Variants in PIEZO1 observed in about 807,000 individuals in gnomAD.
The protein encoded by PIEZO1 is piezo type mechanosensitive ion channel component 1 (Er blood group).
Under a neutral mutation model 297.2 loss-of-function variants are expected in PIEZO1, and 296 were observed. The observed-to-expected ratio is 1.00, with a 90% CI of 0.91 to 1.10. The LOEUF (loss-of-function observed/expected upper bound fraction) is 1.10. Among genes scored for constraint, PIEZO1 ranks in the 50% least tolerant of loss-of-function variants. PIEZO1 has a pLI of 0.00. For synonymous variants in PIEZO1, 2,427 were observed against 1,507.5 expected (o/e 1.61, Z -14.13); for missense variants, 5,018 against 3,455.5 (o/e 1.45, Z -11.34).
intron 1 of PIEZO1, among the ~76,000 whole-genome samples, chr16:88,780,351 G>C (rs767344943): frequency 6.6e-6 from 1 of 152,158 alleles, no homozygotes; most frequent in Non-Finnish European, 1.5e-5. Flanking sequence ...CAAAGGTCAA[G>C]AGCAGGACAG....
chr16:88,726,284 C>T lies in PIEZO1; in HGVS notation c.3968G>A (p.Arg1323Lys). ...DLQATALLAS[R>K]GFALYNAANL... ...GGGCTGTGTCTGGGCCCAAGCTTGC[C>T]TGGAGGCTAGCAGGGCGGTGGCCTG... Residue 1323 changes from arginine (R) to lysine (K), a missense_variant and splice_region_variant, in exon 27 of 51, where the codon AGG (arginine) becomes AAG (lysine). Physicochemically the swap from Arg to Lys is conservative, Grantham distance 26 (BLOSUM62 2). Coordinates refer to ENST00000301015, the MANE Select transcript of PIEZO1 (RefSeq NM_001142864.4). 6.5e-7 allele frequency: 1 copy of T among 1,546,910 alleles called. No individual in the cohort carries two copies. Among genetic ancestry groups the T allele is most frequent in the Non-Finnish European group, 8.7e-7 (1 of 1,145,298 alleles).
chr16:88,732,490 A>C lies in PIEZO1; in HGVS notation c.2836T>G (p.Tyr946Asp), dbSNP rs766356629. The change falls in exon 21 of 51, where the codon TAC becomes GAC. Residue 946 changes from tyrosine (Y) to aspartate (D), a missense_variant. Coordinates refer to ENST00000301015, the MANE Select transcript of PIEZO1 (RefSeq NM_001142864.4). Reference sequence around the variant, plus strand: ...CGGCGGTAGTGCTCCTGGCGCCGGTACACGATGGCCTCGAATACCAGCAGC... The same window carrying C: ...CGGCGGTAGTGCTCCTGGCGCCGGTCCACGATGGCCTCGAATACCAGCAGC... The part of the protein sequence containing the change: ...LLLLVFEAIV[Y>D]RRQEHYRRQH... 2 of 1,548,792 alleles carry C rather than the reference A, an allele frequency of 1.3e-6. No individual in the cohort carries two copies. The highest frequency in any genetic ancestry group is 2.4e-5 in the South Asian group (2 of 84,000).
In PIEZO1 at chr16:88,733,406, G is replaced by A. The variant is rs892846116; in HGVS notation, c.2536C>T (p.Pro846Ser). Residue 846 changes from proline (P) to serine (S), a missense_variant, in exon 19 of 51, where the codon CCC becomes TCC. Coordinates refer to ENST00000301015, the MANE Select transcript of PIEZO1 (RefSeq NM_001142864.4). Reference sequence around the variant, plus strand: ...GCCATGGGCCGGAAGCGTGGGTAGGGCAGGGCGAAGGCCCACAGCACCACC... The same window carrying A: ...GCCATGGGCCGGAAGCGTGGGTAGGACAGGGCGAAGGCCCACAGCACCACC... ...LLVVLWAFAL[P>S]YPRFRPMASC... 8 of 1,549,934 alleles carry A rather than the reference G, an allele frequency of 5.2e-6. No individual in the cohort carries two copies. The African/African-American group carries it at 5.5e-5, about 11-fold the overall frequency.
chr16:88,779,373 C>A (rs1341335364), intron 1 of PIEZO1, among the ~76,000 whole-genome samples: 1 of 152,184 alleles, frequency 6.6e-6, no homozygotes, highest in Admixed American at 6.5e-5. Flanking sequence ...GGGGGAGCCC[C>A]ATTTTCCTGG....
intron 24 of PIEZO1, 40 bp downstream of exon 24, chr16:88,726,999 C>G (rs773351559): frequency 6.5e-7 from 1 of 1,548,926 alleles, no homozygotes; most frequent in South Asian, 1.2e-5. Context: ...CCGGCCACCC[C>G]TCCCAGAAGG....
intron 1 of PIEZO1, among the ~76,000 whole-genome samples, chr16:88,769,742 C>T (rs1167581495): frequency 2.0e-5 from 3 of 150,358 alleles, no homozygotes; most frequent in Non-Finnish European, 4.4e-5. Context: ...GAGGCTCAAA[C>T]ACAACATGTA....
rs1904422193 is a variant in PIEZO1, at chr16:88,726,264, G to A, written c.3968+20C>T. ...AGCCCCAAGACGGGAGCTCTGGGCT[G>A]TGTCTGGGCCCAAGCTTGCCTGGAG... On this transcript the variant is annotated intron_variant, in intron 27 of 50. Coordinates refer to ENST00000301015, the MANE Select transcript of PIEZO1 (RefSeq NM_001142864.4). 6.5e-7 allele frequency: 1 copy of A among 1,538,818 alleles called. No homozygotes were observed. The highest frequency in any genetic ancestry group is 8.8e-7 in the Non-Finnish European group (1 of 1,140,712).
intron 1 of PIEZO1, among the ~76,000 whole-genome samples, chr16:88,766,693 T>C (rs1313984711): frequency 3.9e-5 from 6 of 152,156 alleles, no homozygotes. Context: ...AACAAAGTCA[T>C]GAAGCAACCA....
At chr16:88,724,960 G>C (rs1438581495) in intron 30 of PIEZO1, 49 bp downstream of exon 30, 6 of 1,177,222 alleles carry the variant, frequency 5.1e-6, no homozygotes, top group Admixed American at 6.6e-5. Flanking sequence ...GACAGATGGG[G>C]GCACAGAGGG....
At chr16:88,733,141 C>G (rs2142812364) in intron 19 of PIEZO1, 137 bp downstream of exon 19, 1 of 811,460 alleles carries the variant, frequency 1.2e-6, no homozygotes, top group South Asian at 1.8e-5. Flanking sequence ...CAGGAAGCCC[C>G]CTTGGCGCCC....
intron 1 of PIEZO1, among the ~76,000 whole-genome samples, chr16:88,755,152 C>A (rs1906590495): frequency 6.6e-6 from 1 of 152,216 alleles, no homozygotes; most frequent in Non-Finnish European, 1.5e-5. Flanking sequence ...ACGACTGTCA[C>A]CTCCACATTG....
At chr16:88,759,400 GC>G (rs1906822029) in intron 1 of PIEZO1, among the ~76,000 whole-genome samples, 1 of 152,246 alleles carries the variant, frequency 6.6e-6, no homozygotes, top group Middle Eastern at 3.2e-3. Flanking sequence ...GCTACAGGGA[GC>G]CGGGGTCCTG....
Position 88,733,463 on chromosome 16 carries a change from A to G in PIEZO1, c.2488-9T>C. On this transcript the variant is annotated splice_polypyrimidine_tract_variant and intron_variant, in intron 18 of 50. Coordinates refer to ENST00000301015, the MANE Select transcript of PIEZO1 (RefSeq NM_001142864.4). Reference sequence around the variant, plus strand: ...AGGTTCATCACCGACACCTGAGGGCAGTGGGCACGTGGGGCTGGGCTTGGG... The same window carrying G: ...AGGTTCATCACCGACACCTGAGGGCGGTGGGCACGTGGGGCTGGGCTTGGG... 6.5e-7 allele frequency: 1 copy of G among 1,542,416 alleles called. No homozygotes were observed. The highest frequency in any genetic ancestry group is 8.8e-7 in the Non-Finnish European group (1 of 1,141,262).
rs747301309 is a variant in PIEZO1 at position 88,736,258 on chromosome 16, C to T, written c.1447G>A (p.Val483Met). 1.8e-4 allele frequency: 273 copies of T among 1,549,994 alleles called. 3 individuals carry two copies. Among genetic ancestry groups the T allele is most frequent in the South Asian group, 1.6e-3 (132 of 84,060 alleles). The change falls in exon 12 of 51, where the codon GTG becomes ATG. Residue 483 changes from valine (V) to methionine (M), a missense_variant. Val to Met is a conservative substitution (Grantham distance 21, BLOSUM62 1). Transcript: ENST00000301015. ...TCAGGGCGCAGGTCCATGGCCCACA[C>T]GTAGCGTAGGCAGCACAGCGTCATC... Reference protein sequence around the residue: ...YGMTLCCLRYVWAMDLRPELP... With the variant: ...YGMTLCCLRYMWAMDLRPELP...
intron 22 of PIEZO1, chr16:88,731,256 T>G: frequency 5.4e-6 from 1 of 186,000 alleles, no homozygotes; most frequent in Non-Finnish European, 1.1e-5. Flanking sequence ...CCGGGGCTGT[T>G]TGAATGCAGA....
chr16:88,769,422 G>C (rs1187297778), intron 1 of PIEZO1, among the ~76,000 whole-genome samples: 2 of 152,198 alleles, frequency 1.3e-5, no homozygotes, highest in African/African-American at 2.4e-5. Flanking sequence ...TTTTCCGCTT[G>C]GATTTAGATT....
intron 1 of PIEZO1, among the ~76,000 whole-genome samples, chr16:88,779,775 G>A (rs1410198010): frequency 1.3e-5 from 2 of 152,366 alleles, no homozygotes; most frequent in South Asian, 4.1e-4. Flanking sequence ...CAGGCGGTGA[G>A]TGGCCCCTTC....
intron 1 of PIEZO1, among the ~76,000 whole-genome samples, chr16:88,777,344 G>A (rs116641082): frequency 1.3e-5 from 2 of 152,252 alleles, no homozygotes; most frequent in Non-Finnish European, 2.9e-5. Flanking sequence ...GCGGAGGCCA[G>A]GGCAGAGCCT....
chr16:88,774,410 A>C (rs1168694566), intron 1 of PIEZO1, among the ~76,000 whole-genome samples: 4 of 152,218 alleles, frequency 2.6e-5, no homozygotes, highest in Non-Finnish European at 5.9e-5. Flanking sequence ...ATAAATAAAA[A>C]TAACAATATA....
Sources: allele counts gnomAD v4.1 joint callset (sites outside exome capture counted in the v4.1 genomes callset), GRCh38; gene constraint gnomAD v4.1.1; transcripts MANE v1.5; gene names NCBI Gene and HGNC (gene_info 2026-07-23, HGNC 2026-07-21).